DONSON: variants seen among roughly 807,000 people sequenced by gnomAD.
DONSON encodes DNA replication fork stabilization factor DONSON, also known as protein downstream neighbor of Son.
DONSON carries 43 observed loss-of-function variants against 62.1 expected under a neutral mutation model. The observed-to-expected ratio is 0.69, with a 90% CI of 0.54 to 0.89. The LOEUF is 0.89. Ranked by LOEUF, DONSON falls within the 40% of genes least tolerant of loss-of-function variation. DONSON has a pLI of 0.00. For synonymous variants in DONSON, 266 were observed against 264.6 expected (o/e 1.01, Z -0.05); for missense variants, 696 against 697.5 (o/e 1.00, Z 0.03).
intron 4 of DONSON, among the ~76,000 whole-genome samples, chr21:33,583,978 G>A (rs1268581032): frequency 6.8e-6 from 1 of 146,328 alleles, no homozygotes; most frequent in Non-Finnish European, 1.5e-5. Context: ...AGCAGAGACT[G>A]ACAAGAAGTA....
chr21:33,586,259 T>A, intron 2 of DONSON, 78 bp from the exon 3 acceptor site: 1 of 1,159,034 alleles, frequency 8.6e-7, no homozygotes, highest in Non-Finnish European at 1.3e-6. Context: ...TCAGCTAACA[T>A]GATCACTGAA....
At chr21:33,579,833 C>CT (rs1196654274) in intron 8 of DONSON, among the ~76,000 whole-genome samples, 4 of 152,162 alleles carry the variant, frequency 2.6e-5, no homozygotes, top group African/African-American at 9.7e-5. Flanking sequence ...TAGTAATACA[C>CT]TGTCAATGCA....
rs529567515 is a variant in DONSON, at chr21:33,578,404, G to A, written c.1604C>T (p.Pro535Leu). Residue 535 changes from proline (P) to leucine (L), a missense_variant, in exon 10 of 10, where the codon CCT (proline) becomes CTT (leucine). By Grantham distance (98) the Pro-to-Leu change is moderately conservative. Coordinates refer to ENST00000303071, the MANE Select transcript of DONSON (RefSeq NM_017613.4). ...TTGACTAAGTTGCTCCAGAGTGTTA[G>A]GGTGCAAACCACAGTTAGTAAGCTC... Reference protein sequence around the residue: ...HKELTNCGLHPNTLEQLSQIP... With the variant: ...HKELTNCGLHLNTLEQLSQIP... 16 of 1,613,980 alleles carry A rather than the reference G, an allele frequency of 9.9e-6. No homozygotes were observed. Among genetic ancestry groups the A allele is most frequent in the Non-Finnish European group, 1.3e-5 (15 of 1,179,946 alleles).
intron 3 of DONSON, among the ~76,000 whole-genome samples, chr21:33,585,045 G>A (rs1430603845): frequency 6.6e-6 from 1 of 152,118 alleles, no homozygotes; most frequent in Non-Finnish European, 1.5e-5. Context: ...ATGAGGAATA[G>A]GGGTGGGCAT....
In DONSON at chr21:33,588,442, C is replaced by T; in HGVS notation, c.200G>A (p.Gly67Asp). 1 of 1,311,960 alleles carries T rather than the reference C, an allele frequency of 7.6e-7. No homozygotes were observed. The highest frequency in any genetic ancestry group is 9.7e-7 in the Non-Finnish European group (1 of 1,031,178). The allele number at this position is 1,311,960 out of a possible 1,614,324, so 81.3% of individuals were successfully genotyped here. ...AGCAGCGGCCGGGCCGCCGCCGCTG[C>T]CACCGCCTCTGCCCCCCGCAGCAGG... ...PFPAAGGRGGGSGGGPAAARR... is the reference protein window; with the variant it reads ...PFPAAGGRGGDSGGGPAAARR... The change falls in exon 1 of 10, where the codon GGC becomes GAC. Residue 67 changes from glycine to aspartate, a missense_variant. Gly to Asp is a moderately conservative substitution (Grantham distance 94). Transcript: ENST00000303071.
At chr21:33,584,507 GTA>G in intron 4 of DONSON, 81 bp downstream of exon 4, 1 of 1,311,300 alleles carries the variant, frequency 7.6e-7, no homozygotes, top group South Asian at 1.7e-5. Context: ...TGCCATTAAC[GTA>G]TCCAGTCACA....
At chr21:33,584,097 T>G (rs1484892089) in intron 4 of DONSON, among the ~76,000 whole-genome samples, 1 of 145,480 alleles carries the variant, frequency 6.9e-6, no homozygotes, top group Non-Finnish European at 1.5e-5. Context: ...CAGGCTGGAG[T>G]GCAGTGGCGC....
chr21:33,582,797 G>A (rs2086528366), intron 5 of DONSON, among the ~76,000 whole-genome samples: 1 of 152,152 alleles, frequency 6.6e-6, no homozygotes, highest in African/African-American at 2.4e-5. Context: ...GAACATTACT[G>A]CCTGAGCTCC....
At chr21:33,583,865 C>T (rs2086545798) in intron 4 of DONSON, among the ~76,000 whole-genome samples, 199 bp from the exon 5 acceptor site, 1 of 151,820 alleles carries the variant, frequency 6.6e-6, no homozygotes, top group Non-Finnish European at 1.5e-5. Flanking sequence ...CTTCTCAATA[C>T]TTTAACAAAT....
At position 33,583,579 on chromosome 21, in the gene DONSON, C is replaced by T. The variant is rs1247530638; in HGVS notation, c.873G>A (p.Leu291=). 6.2e-7 allele frequency: 1 copy of T among 1,613,978 alleles called. No individual in the cohort carries two copies. The highest frequency in any genetic ancestry group is 1.7e-5 in the Admixed American group (1 of 60,022). The change falls in exon 5 of 10, where the codon CTG becomes CTA. Residue 291 remains leucine (L), a synonymous_variant. Transcript: ENST00000303071. ...TTCCAGCTAATCCTGCTGCTCGGAA[C>T]AGGACAGTAAACTGATAGGTACAAA... ...FYVCTYQFTV[L]FRAAGLAGSD...
chr21:33,587,535 G>A lies in DONSON; in HGVS notation c.389C>T (p.Thr130Ile), dbSNP rs766408231. The A allele has an allele frequency of 6.3e-7, 1 of 1,593,534 alleles. No homozygotes were observed. Among genetic ancestry groups the A allele is most frequent in the South Asian group, 1.1e-5 (1 of 86,990 alleles). Residue 130 changes from threonine to isoleucine, a missense_variant, in exon 2 of 10, where the codon ACT becomes ATT. Physicochemically the swap from Thr to Ile is moderately conservative, Grantham distance 89. Coordinates refer to ENST00000303071, the MANE Select transcript of DONSON (RefSeq NM_017613.4). ...EEKFPERTTVTELPQTSHVSF... is the reference protein window; with the variant it reads ...EEKFPERTTVIELPQTSHVSF... ...AAAAAGTATTACCTGAGGTAATTCA[G>A]TAACAGTTGTTCTTTCAGGAAACTT...
In DONSON at chr21:33,588,669, C is replaced by A. The variant is rs1327925540; in HGVS notation, c.-28G>T. On this transcript the variant is annotated 5_prime_UTR_variant, in exon 1 of 10. Coordinates refer to ENST00000303071, the MANE Select transcript of DONSON (RefSeq NM_017613.4). The stretch of plus-strand genomic sequence containing the variant: ...CGCGCGGCGGCTGAGGGTAGCCGGC[C>A]GCCCTACAGAGACTTCCCGCGCGCG... The A allele has an allele frequency of 3.3e-6, 4 of 1,226,810 alleles. No homozygotes were observed. Among genetic ancestry groups the A allele is most frequent in the South Asian group, 7.7e-5 (2 of 25,978 alleles). The allele number at this position is 1,226,810 out of a possible 1,614,324, so 76.0% of individuals were successfully genotyped here.
Position 33,588,486 on chromosome 21 carries a change from C to A in DONSON, c.156G>T (p.Gly52=). 7.9e-7 allele frequency: 1 copy of A among 1,264,494 alleles called. No individual in the cohort carries two copies. Among genetic ancestry groups the A allele is most frequent in the Non-Finnish European group, 9.9e-7 (1 of 1,006,010 alleles). The allele number at this position is 1,264,494 out of a possible 1,614,324, so 78.3% of individuals were successfully genotyped here. A position where few individuals can be genotyped will look rare whatever the true frequency, so the allele number is the denominator to read the frequency against. Residue 52 remains glycine, a synonymous_variant, in exon 1 of 10, where the codon GGG becomes GGT. Transcript: ENST00000303071. ...PAARRAALVA[G]LPLRPFPAAG... Reference sequence around the variant, plus strand: ...CAGCAGGGAAAGGGCGAAGAGGCAGCCCCGCCACCAGGGCGGCTCGGCGGG... The same window carrying A: ...CAGCAGGGAAAGGGCGAAGAGGCAGACCCGCCACCAGGGCGGCTCGGCGGG...
intron 2 of DONSON, among the ~76,000 whole-genome samples, chr21:33,586,417 G>A (rs2086578425): frequency 6.6e-6 from 1 of 152,016 alleles, no homozygotes; most frequent in Non-Finnish European, 1.5e-5. Flanking sequence ...GTGGTGGAGG[G>A]GCAGATTTCA....
intron 7 of DONSON, 79 bp from the exon 8 acceptor site, chr21:33,581,579 TGA>T: frequency 1.7e-6 from 2 of 1,165,884 alleles, no homozygotes; most frequent in South Asian, 2.9e-5. Context: ...CTGAATCACC[TGA>T]GACTCCTTTT....
At chr21:33,580,657 A>G (rs1356536453) in intron 8 of DONSON, among the ~76,000 whole-genome samples, 3 of 151,516 alleles carry the variant, frequency 2.0e-5, no homozygotes, top group Non-Finnish European at 4.4e-5. Flanking sequence ...TGTTCGTATA[A>G]TTTAAAAAGA....
Position 33,587,579 on chromosome 21 carries a change from A to G in DONSON, c.345T>C (p.Asn115=), listed in dbSNP as rs2086592651. Residue 115 remains asparagine (N), a synonymous_variant, in exon 2 of 10, where the codon AAT becomes AAC. Coordinates refer to ENST00000303071, the MANE Select transcript of DONSON (RefSeq NM_017613.4). ...GAAACTTCTCTTCCCATAGCAAATC[A>G]TTTTCTTGATTAGAATCTAAAAACT... ...PVPFLDSNQE[N]DLLWEEKFPE... is the part of the protein sequence containing the mutation. 6.3e-7 allele frequency: 1 copy of G among 1,594,640 alleles called. No individual in the cohort carries two copies.
intron 1 of DONSON, 82 bp from the exon 2 acceptor site, chr21:33,587,684 C>T: frequency 3.3e-6 from 3 of 898,232 alleles, no homozygotes; most frequent in Non-Finnish European, 5.0e-6. Context: ...ACCTGGCATA[C>T]ATGTTTCTCA....
At position 33,583,595 on chromosome 21, in the gene DONSON, T is replaced by C; in HGVS notation, c.857A>G (p.Tyr286Cys). The C allele has an allele frequency of 6.2e-7, 1 of 1,613,974 alleles. No individual in the cohort carries two copies. Reference sequence around the variant, plus strand: ...TGCTCGGAACAGGACAGTAAACTGATAGGTACAAACGTAGAAATAGGGGCA... The same window carrying C: ...TGCTCGGAACAGGACAGTAAACTGACAGGTACAAACGTAGAAATAGGGGCA... ...KLCPYFYVCT[Y>C]QFTVLFRAAG... The change falls in exon 5 of 10, where the codon TAT becomes TGT. Residue 286 changes from tyrosine (Y) to cysteine (C), a missense_variant. Coordinates refer to ENST00000303071, the MANE Select transcript of DONSON (RefSeq NM_017613.4).
Sources: gnomAD v4.1 joint callset for allele counts (sites outside exome capture counted in the v4.1 genomes callset) on GRCh38, gnomAD v4.1.1 for gene constraint, MANE v1.5 for transcripts, NCBI Gene and HGNC (gene_info 2026-07-23, HGNC 2026-07-21) for gene names.